CDKL2: variants seen among roughly 807,000 people sequenced by gnomAD.
CDKL2 encodes cyclin dependent kinase like 2.
A neutral mutation model predicts 63.9 loss-of-function variants in CDKL2; 64 were observed. That is an observed-to-expected ratio of 1.00 (90% confidence interval 0.82 to 1.23). CDKL2 has a LOEUF of 1.23. CDKL2 is among the 50% of genes most tolerant of loss of function. The pLI is 0.00. For synonymous variants in CDKL2, 211 were observed against 229.2 expected (o/e 0.92, Z 0.72); for missense variants, 656 against 668.0 (o/e 0.98, Z 0.20).
intron 12 of CDKL2, among the ~76,000 whole-genome samples, chr4:75,588,719 C>T (rs1308992222): frequency 6.6e-6 from 1 of 152,064 alleles, no homozygotes; most frequent in Non-Finnish European, 1.5e-5. Flanking sequence ...ACAATGACTC[C>T]CCCCAAATCA....
At chr4:75,614,584 A>G (rs1729847473) in intron 2 of CDKL2, 135 bp from the exon 3 acceptor site, 1 of 566,188 alleles carries the variant, frequency 1.8e-6, no homozygotes, top group African/African-American at 1.9e-5. Flanking sequence ...AAATGCATAC[A>G]TAGTGTAAAT....
At position 75,607,225 on chromosome 4, in the gene CDKL2, T is replaced by G. The variant is rs1279617518; in HGVS notation, c.500A>C (p.Tyr167Ser). The G allele has an allele frequency of 6.2e-7, 1 of 1,614,034 alleles. No individual in the cohort carries two copies. The highest frequency in any genetic ancestry group is 1.1e-5 in the South Asian group (1 of 91,042). The change falls in exon 4 of 14, where the codon TAC becomes TCC. Residue 167 changes from tyrosine to serine, a missense_variant. Transcript: ENST00000307465. ...ACCAACCAATAGTTCTGGAGCTCTGTACCATCGGGTTGCCACATAATCAGT... is the reference window on the plus strand; with the variant it reads ...ACCAACCAATAGTTCTGGAGCTCTGGACCATCGGGTTGCCACATAATCAGT... ...VYTDYVATRW[Y>S]RAPELLVGDV...
Position 75,614,395 on chromosome 4 carries a change from GT to G in CDKL2, c.222del (p.Lys74AsnfsTer5), listed in dbSNP as rs753353408. 15 of 1,567,666 alleles carry G rather than the reference GT, an allele frequency of 9.6e-6. No individual in the cohort carries two copies. The highest frequency in any genetic ancestry group is 3.5e-5 in the South Asian group (3 of 85,722). ...ACAAATTCAAAGACTAGGTACCATC[GT>G]TTTTTTTTCTTACACACTTCCAAGA... is the stretch of plus-strand genomic sequence containing the variant. ...VNLLEVCKKK[K>X]RWYLVFEFVD... On this transcript the variant is annotated frameshift_variant, in exon 3 of 14. Coordinates refer to ENST00000307465, the MANE Select transcript of CDKL2 (RefSeq NM_001330724.2). LOFTEE classifies it high-confidence loss of function.
Position 75,597,081 on chromosome 4 carries a change from T to C in CDKL2, c.1176A>G (p.Thr392=), listed in dbSNP as rs769455149. 4 of 1,614,072 alleles carry C rather than the reference T, an allele frequency of 2.5e-6. No individual in the cohort carries two copies. The highest frequency in any genetic ancestry group is 1.1e-5 in the South Asian group (1 of 91,080). ...TGACATTGCTGCAGTCTTTGAGGCT[T>C]GTTGAAGGCACTATTTTGTTGTGGC... ...RTSHNKIVPS[T]SLKDCSNVSV... The change falls in exon 9 of 14, where the codon ACA becomes ACG. Residue 392 remains threonine (T), a synonymous_variant. Transcript: ENST00000307465.
At chr4:75,616,586 G>C (rs1164191128) in intron 2 of CDKL2, among the ~76,000 whole-genome samples, 1 of 151,232 alleles carries the variant, frequency 6.6e-6, no homozygotes, top group Non-Finnish European at 1.5e-5. Context: ...AGTAATCCCA[G>C]TTTCTAAGGA....
At chr4:75,595,635 G>GA (rs1181496160) in intron 10 of CDKL2, among the ~76,000 whole-genome samples, 2 of 151,136 alleles carry the variant, frequency 1.3e-5, no homozygotes, top group African/African-American at 4.9e-5. Flanking sequence ...TGTTACTAAA[G>GA]AAAAAATAAA....
At chr4:75,628,599 A>G (rs1730542168) in intron 1 of CDKL2, among the ~76,000 whole-genome samples, 1 of 152,314 alleles carries the variant, frequency 6.6e-6, no homozygotes, top group Non-Finnish European at 1.5e-5. Flanking sequence ...CAGTAATAAT[A>G]GATAAAAAAT....
chr4:75,595,032 A>G (rs535538958), intron 10 of CDKL2, among the ~76,000 whole-genome samples: 6 of 152,236 alleles, frequency 3.9e-5, no homozygotes, highest in Admixed American at 3.9e-4. Context: ...GAGAATAATA[A>G]TGGTCCTTCC....
In CDKL2 at chr4:75,591,836, T is replaced by G. The variant is rs1728727183; in HGVS notation, c.1630A>C (p.Ser544Arg). 1 of 1,535,064 alleles carries G rather than the reference T, an allele frequency of 6.5e-7. No individual in the cohort carries two copies. The highest frequency in any genetic ancestry group is 2.0e-5 in the Admixed American group (1 of 50,956). The stretch of plus-strand genomic sequence containing the variant: ...TTCTGTACCTGATGTAATGTAATAC[T>G]GGGGGTGTGCAGGTCAATAGCAGCC... Reference protein sequence around the residue: ...SLAAIDLHTPSITLHQVSGPP... With the variant: ...SLAAIDLHTPRITLHQVSGPP... The change falls in exon 12 of 14, where the codon AGT becomes CGT. Residue 544 changes from serine (S) to arginine (R), a missense_variant. By Grantham distance (110) the Ser-to-Arg change is moderately radical (BLOSUM62 -1). Transcript: ENST00000307465.
chr4:75,598,832 A>T (rs1316212145), intron 7 of CDKL2, among the ~76,000 whole-genome samples: 1 of 152,222 alleles, frequency 6.6e-6, no homozygotes, highest in African/African-American at 2.4e-5. Flanking sequence ...AGAAAGACTG[A>T]CAGAAAAACT....
chr4:75,610,091 A>G (rs1729621109), intron 3 of CDKL2, among the ~76,000 whole-genome samples: 1 of 151,706 alleles, frequency 6.6e-6, no homozygotes, highest in South Asian at 2.1e-4. Context: ...AGTCCCAGCT[A>G]CTCGGGAGGC....
chr4:75,612,821 G>T, intron 3 of CDKL2, among the ~76,000 whole-genome samples: 1 of 152,194 alleles, frequency 6.6e-6, no homozygotes, highest in Non-Finnish European at 1.5e-5. Context: ...TCAAAATTAG[G>T]TTTCTCAAAA....
chr4:75,585,350 AGGTCAGGAGTTTG>A (rs903742874), intron 12 of CDKL2, among the ~76,000 whole-genome samples: 11 of 151,870 alleles, frequency 7.2e-5, no homozygotes, highest in Non-Finnish European at 1.5e-4. Flanking sequence ...GCTCAGGAGG[AGGTCAGGAGTTTG>A]GGTCAGGAGT....
chr4:75,609,860 A>G (rs1035356873), intron 3 of CDKL2, among the ~76,000 whole-genome samples: 2 of 152,006 alleles, frequency 1.3e-5, no homozygotes, highest in African/African-American at 4.8e-5. Context: ...CCTAGATATC[A>G]GTGATGAGGA....
chr4:75,622,645 C>T (rs569333153), intron 2 of CDKL2, among the ~76,000 whole-genome samples: 86 of 121,364 alleles, frequency 7.1e-4, no homozygotes, highest in Middle Eastern at 6.8e-3. Context: ...TTGAACCCAG[C>T]GGGTAGAAGT....
chr4:75,621,719 A>G (rs1730166461), intron 2 of CDKL2, among the ~76,000 whole-genome samples: 1 of 152,184 alleles, frequency 6.6e-6, no homozygotes, highest in Non-Finnish European at 1.5e-5. Flanking sequence ...TATTTTAAAC[A>G]CAAAGTAGAA....
chr4:75,620,296 T>C (rs2148909636), intron 2 of CDKL2, among the ~76,000 whole-genome samples: 1 of 152,158 alleles, frequency 6.6e-6, no homozygotes, highest in Middle Eastern at 3.4e-3. Flanking sequence ...AAGTAAGAAA[T>C]ACCAGAACAT....
chr4:75,626,666 CAAA>C (rs1168960614), intron 1 of CDKL2, among the ~76,000 whole-genome samples: 1 of 39,176 alleles, frequency 2.6e-5, no homozygotes, highest in Admixed American at 2.7e-4. Context: ...GACTCCATCT[CAAA>C]AAAAAAAAAA....
chr4:75,607,111 T>A, intron 4 of CDKL2, 72 bp downstream of exon 4: 1 of 1,198,296 alleles, frequency 8.3e-7, no homozygotes, highest in Non-Finnish European at 1.2e-6. Flanking sequence ...TCATTTACTA[T>A]ATCATAAACA....
Sources: gnomAD v4.1 joint callset for allele counts (sites outside exome capture counted in the v4.1 genomes callset) on GRCh38, gnomAD v4.1.1 for gene constraint, MANE v1.5 for transcripts, NCBI Gene and HGNC (gene_info 2026-07-23, HGNC 2026-07-21) for gene names.